The following SLC9A9 variants were observed in gnomAD, a reference collection of about 807,000 sequenced individuals.
The protein encoded by SLC9A9 is sodium/hydrogen exchanger 9.
In SLC9A9, 62 loss-of-function variants were observed where a neutral mutation model predicts 77.8. The observed-to-expected ratio is 0.80, with a 90% CI of 0.65 to 0.98. The LOEUF is 0.98. SLC9A9 is among the 50% of genes least tolerant of loss of function. The probability of loss-of-function intolerance (pLI) is 0.00; values close to 1 mark genes in which losing one functional copy is unlikely to be tolerated. For missense variants in SLC9A9, 775 were observed against 774.9 expected (o/e 1.00, Z 0.00); for synonymous variants, 320 against 283.5 (o/e 1.13, Z -1.29).
At chr3:143,815,551 A>ATTTTTT (rs747415214) in intron 2 of SLC9A9, among the ~76,000 whole-genome samples, 50 of 110,436 alleles carry the variant, frequency 4.5e-4, no homozygotes, top group East Asian at 2.6e-3. Flanking sequence ...TATTTTAAAA[A>ATTTTTT]AAAAAAAAGG....
intron 14 of SLC9A9, among the ~76,000 whole-genome samples, chr3:143,334,568 CG>C (rs1469553429): frequency 2.0e-5 from 3 of 152,172 alleles, no homozygotes; most frequent in African/African-American, 7.2e-5. Flanking sequence ...TTCTGTAAAA[CG>C]GGCTTAGTAG....
intron 9 of SLC9A9, among the ~76,000 whole-genome samples, chr3:143,514,948 G>C (rs1347661560): frequency 6.6e-6 from 1 of 152,176 alleles, no homozygotes; most frequent in African/African-American, 2.4e-5. Flanking sequence ...TTTTGTGCAA[G>C]AGACCTAGCT....
At chr3:143,533,624 C>T (rs1373217350) in intron 9 of SLC9A9, among the ~76,000 whole-genome samples, 1 of 152,016 alleles carries the variant, frequency 6.6e-6, no homozygotes, top group African/African-American at 2.4e-5. Flanking sequence ...ATAAAAAAAC[C>T]CTACATCTTT....
chr3:143,574,191 C>A lies in SLC9A9; in HGVS notation c.897G>T (p.Leu299Phe). The change falls in exon 8 of 16, where the codon TTG (leucine) becomes TTT (phenylalanine). Residue 299 changes from leucine to phenylalanine, a missense_variant and splice_region_variant. Physicochemically the swap from Leu to Phe is conservative, Grantham distance 22 (BLOSUM62 0). Coordinates refer to ENST00000316549, the MANE Select transcript of SLC9A9 (RefSeq NM_173653.4). ...ACTCACACAGCTTGGTAAATTTGGT[C>A]AAGTGAGGAAGATAAGTTAAGGGAA... ...GSAYAIITAL[L>F]TKFTKLCEFP... 2.5e-6 allele frequency: 4 copies of A among 1,612,378 alleles called. No individual in the cohort carries two copies. In the South Asian group the frequency reaches 4.4e-5, roughly 18 times the overall value.
rs146864560 is a variant in SLC9A9 at position 143,584,178 on chromosome 3, G to A, written c.756-5455C>T. Reference sequence around the variant, plus strand: ...ACGGAGTCATCTCTCTCCTGATCACGACACTCTTCCTCAAGGTCTCCTAGT... The same window carrying A: ...ACGGAGTCATCTCTCTCCTGATCACAACACTCTTCCTCAAGGTCTCCTAGT... On this transcript the variant is annotated intron_variant, in intron 6 of 15. Coordinates refer to ENST00000316549, the MANE Select transcript of SLC9A9 (RefSeq NM_173653.4). Among the ~76,000 whole-genome samples, 137 of 152,134 alleles carry A rather than the reference G, an allele frequency of 9.0e-4. 1 individual carries two copies. The highest frequency in any genetic ancestry group is 3.1e-3 in the African/African-American group (127 of 41,498).
intron 6 of SLC9A9, among the ~76,000 whole-genome samples, chr3:143,635,699 C>T (rs1219742710): frequency 1.3e-5 from 2 of 152,128 alleles, no homozygotes; most frequent in African/African-American, 2.4e-5. Context: ...CCCCATTTTC[C>T]CCTGACCCAT....
intron 6 of SLC9A9, among the ~76,000 whole-genome samples, chr3:143,611,181 T>C (rs1417526499): frequency 6.6e-6 from 1 of 152,082 alleles, no homozygotes; most frequent in Non-Finnish European, 1.5e-5. Context: ...AATTGGAACA[T>C]AAAGTTGGGG....
At chr3:143,358,025 CTT>C (rs5853107) in intron 14 of SLC9A9, among the ~76,000 whole-genome samples, 5,944 of 144,932 alleles carry the variant, frequency 0.041, 180 homozygotes, top group East Asian at 0.18. Flanking sequence ...TTTTTCTTTC[CTT>C]TTTTTTTTTT....
At chr3:143,733,172 C>CTTTTGAGTCTTTTCTCAAAAGCCTAGG (rs1307419187) in intron 4 of SLC9A9, among the ~76,000 whole-genome samples, 46 of 152,126 alleles carry the variant, frequency 3.0e-4, no homozygotes, top group African/African-American at 9.6e-4. Context: ...GAGAAAATGG[C>CTTTTGAGTCTTTTCTCAAAAGCCTAGG]TTTTGAGTCT....
intron 4 of SLC9A9, among the ~76,000 whole-genome samples, chr3:143,754,634 G>T (rs1022400490): frequency 1.3e-5 from 2 of 152,154 alleles, no homozygotes; most frequent in African/African-American, 2.4e-5. Context: ...TTGCTGAAAA[G>T]GGCAAGTCCA....
intron 11 of SLC9A9, among the ~76,000 whole-genome samples, chr3:143,491,963 C>T (rs750421883): frequency 1.3e-5 from 2 of 152,140 alleles, no homozygotes; most frequent in African/African-American, 4.8e-5. Context: ...AAAGTCAACT[C>T]ATTGCCAAAG....
chr3:143,453,584 T>C (rs766385094), intron 12 of SLC9A9, among the ~76,000 whole-genome samples: 1 of 152,170 alleles, frequency 6.6e-6, no homozygotes, highest in African/African-American at 2.4e-5. Flanking sequence ...TCTCAACATA[T>C]TCTGAAAGTG....
intron 12 of SLC9A9, among the ~76,000 whole-genome samples, chr3:143,441,693 T>A (rs564632437): frequency 6.6e-6 from 1 of 152,280 alleles, no homozygotes; most frequent in African/African-American, 2.4e-5. Flanking sequence ...GTGCTCTGGA[T>A]GGGCTGTGGT....
At chr3:143,688,937 G>GAA (rs35043307) in intron 5 of SLC9A9, among the ~76,000 whole-genome samples, 2 of 150,552 alleles carry the variant, frequency 1.3e-5, no homozygotes, top group African/African-American at 4.9e-5. Flanking sequence ...CTTATAAATA[G>GAA]AAAAAATATA....
chr3:143,709,280 G>A (rs938466702), intron 4 of SLC9A9, among the ~76,000 whole-genome samples: 5 of 152,108 alleles, frequency 3.3e-5, no homozygotes, highest in Non-Finnish European at 5.9e-5. Flanking sequence ...CTGTAAGTTG[G>A]ACCCAGGCAT....
intron 4 of SLC9A9, among the ~76,000 whole-genome samples, chr3:143,699,252 G>A (rs1933728264): frequency 6.6e-6 from 1 of 152,108 alleles, no homozygotes; most frequent in South Asian, 2.1e-4. Flanking sequence ...TTTTGAGATA[G>A]AGGTAGAGCA....
chr3:143,779,806 T>C (rs1488409159), intron 4 of SLC9A9, among the ~76,000 whole-genome samples: 2 of 152,242 alleles, frequency 1.3e-5, no homozygotes, highest in African/African-American at 4.8e-5. Context: ...ACTATTATAT[T>C]TTGCCCATAT....
chr3:143,841,902 C>T lies in SLC9A9; in HGVS notation c.175+6246G>A, dbSNP rs111528059. On this transcript the variant is annotated intron_variant, in intron 1 of 15. Coordinates refer to ENST00000316549, the MANE Select transcript of SLC9A9 (RefSeq NM_173653.4). ...CCGAGTAGCTCGGATTACAGGCATC[C>T]GCCACTATACCTGGCTAATTTTTGT... 3.8e-3 allele frequency among the ~76,000 whole-genome samples: 585 copies of T among 152,034 alleles called. 5 individuals are homozygous for T. The highest frequency in any genetic ancestry group is 0.013 in the African/African-American group (558 of 41,478).
chr3:143,454,380 T>C (rs568538263), intron 12 of SLC9A9, among the ~76,000 whole-genome samples: 1 of 152,202 alleles, frequency 6.6e-6, no homozygotes, highest in African/African-American at 2.4e-5. Flanking sequence ...GTTCTTCATA[T>C]AATATCTAAG....
Sources: gnomAD v4.1 joint callset for allele counts (sites outside exome capture counted in the v4.1 genomes callset) on GRCh38, gnomAD v4.1.1 for gene constraint, MANE v1.5 for transcripts, NCBI Gene and HGNC (gene_info 2026-07-23, HGNC 2026-07-21) for gene names.